The following TRIM14 variants were observed in gnomAD, a reference collection of about 807,000 sequenced individuals.
TRIM14 encodes tripartite motif-containing protein 14.
In TRIM14, 28 loss-of-function variants were observed where a neutral mutation model predicts 44.5. That is an observed-to-expected ratio of 0.63 (90% CI 0.47 to 0.86). The LOEUF is 0.86. Among genes scored for constraint, TRIM14 ranks in the 40% least tolerant of loss-of-function variants. The pLI is 0.00. For synonymous variants in TRIM14, 299 were observed against 269.2 expected, an observed-to-expected ratio of 1.11 and a Z score of -1.08; for missense variants, 607 against 611.1, an observed-to-expected ratio of 0.99 and a Z score of 0.07.
intron 5 of TRIM14, among the ~76,000 whole-genome samples, chr9:98,088,593 T>C (rs1825886907): frequency 6.6e-6 from 1 of 152,232 alleles, no homozygotes; most frequent in Admixed American, 6.5e-5. Context: ...TAAAATTGAT[T>C]GATCTACTTG....
chr9:98,056,702 G>C, the TRIM14 span: 2 of 1,459,626 alleles, frequency 1.4e-6, no homozygotes, highest in South Asian at 2.6e-5. Context: ...GACGTGGCGG[G>C]GCTGGCGTGT....
chr9:98,074,815 A>ACATT (rs1173845555), intron 6 of TRIM14: 1 of 152,230 alleles, frequency 6.6e-6, no homozygotes, highest in Non-Finnish European at 1.5e-5. Flanking sequence ...CACAAGATGA[A>ACATT]CATTATACAA....
At chr9:98,040,146 T>C in the TRIM14 span, among the ~76,000 whole-genome samples, 1 of 152,104 alleles carries the variant, frequency 6.6e-6, no homozygotes, top group African/African-American at 2.4e-5. Flanking sequence ...ACCCGGCATC[T>C]CTCTCTTTCC....
chr9:98,077,543 T>G (rs886603216), intron 6 of TRIM14, among the ~76,000 whole-genome samples: 8 of 151,910 alleles, frequency 5.3e-5, no homozygotes, highest in Admixed American at 2.0e-4. Context: ...TATAAGAAAT[T>G]AAGGATATGA....
At chr9:98,044,522 C>A in the TRIM14 span, among the ~76,000 whole-genome samples, 1 of 151,730 alleles carries the variant, frequency 6.6e-6, no homozygotes, top group Non-Finnish European at 1.5e-5. Context: ...TACAGGCACG[C>A]GCCACCATGC....
Position 98,085,194 on chromosome 9 carries a change from T to C in TRIM14, c.*2276A>G, listed in dbSNP as rs541860258. On this transcript the variant is annotated 3_prime_UTR_variant, in exon 6 of 6. Coordinates refer to ENST00000341469, the MANE Select transcript of TRIM14 (RefSeq NM_014788.4). Reference sequence around the variant, plus strand: ...GTAACCAGGCACTAGGAAAGCATCATGGGCAGTAGCTCCACGAGAGGGGCC... The same window carrying C: ...GTAACCAGGCACTAGGAAAGCATCACGGGCAGTAGCTCCACGAGAGGGGCC... 1.3e-5 allele frequency: 2 copies of C among 152,442 alleles called. No individual in the cohort carries two copies. The highest frequency in any genetic ancestry group is 4.8e-5 in the African/African-American group (2 of 41,546). 9.4% of individuals were successfully genotyped at this position (152,442 alleles called of 1,614,324 possible).
chr9:98,088,956 G>A (rs1282092184), intron 5 of TRIM14, among the ~76,000 whole-genome samples: 1 of 151,832 alleles, frequency 6.6e-6, no homozygotes, highest in African/African-American at 2.4e-5. Flanking sequence ...TGGATCACAG[G>A]GTATGTGGAT....
At chr9:98,049,488 G>C in the TRIM14 span, among the ~76,000 whole-genome samples, 3 of 152,114 alleles carry the variant, frequency 2.0e-5, no homozygotes, top group East Asian at 5.8e-4. Context: ...GAAAGGGGTG[G>C]GCACTTTCTG....
chr9:98,093,896 C>A (rs139697228), intron 4 of TRIM14, among the ~76,000 whole-genome samples: 2,151 of 152,240 alleles, frequency 0.014, 48 homozygotes, highest in African/African-American at 0.049. Context: ...CAGGTGCATG[C>A]CACCATGCCT....
rs1046068504 is a variant in TRIM14, at chr9:98,095,388, C to T, written c.538-359G>A. On this transcript the variant is annotated intron_variant, in intron 3 of 5. Transcript: ENST00000341469. This position sits in a 1 kb window ranked among gnomAD's most constrained non-coding sequence, Gnocchi z 4.1. ...GGGGCCCTTCCCAGAGAGGCTTCAG[C>T]CTCACACACACTGCGCCACGGGTCT... Among the ~76,000 whole-genome samples, 1 of 152,238 alleles carries T rather than the reference C, an allele frequency of 6.6e-6. No homozygotes were observed. Among genetic ancestry groups the T allele is most frequent in the African/African-American group, 2.4e-5 (1 of 41,460 alleles).
chr9:98,064,882 T>C (rs978313185), downstream of TRIM14, among the ~76,000 whole-genome samples: 3 of 152,306 alleles, frequency 2.0e-5, no homozygotes, highest in East Asian at 3.9e-4. Context: ...AAGACTGAAG[T>C]TGGCTGGAGA....
At chr9:98,048,968 C>T in the TRIM14 span, among the ~76,000 whole-genome samples, 221 of 151,434 alleles carry the variant, frequency 1.5e-3, no homozygotes, top group Admixed American at 4.3e-3. Context: ...TGCAGAGAGC[C>T]GAGATCATGC....
chr9:98,053,653 A>G, the TRIM14 span, among the ~76,000 whole-genome samples: 3 of 151,834 alleles, frequency 2.0e-5, no homozygotes, highest in South Asian at 4.2e-4. Flanking sequence ...ACACACACAC[A>G]TACAGGCCAG....
At chr9:98,091,785 A>AAATG (rs1356432416) in intron 5 of TRIM14, 124 bp downstream of exon 5, 1 of 404,222 alleles carries the variant, frequency 2.5e-6, no homozygotes, top group Non-Finnish European at 3.4e-6. Flanking sequence ...CAAGTTCTTA[A>AAATG]AATAAATAAA....
At chr9:98,057,722 G>A in the TRIM14 span, among the ~76,000 whole-genome samples, 1 of 151,906 alleles carries the variant, frequency 6.6e-6, no homozygotes, top group South Asian at 2.1e-4. Flanking sequence ...ATAAGGCCTG[G>A]CCTGCACTAT....
chr9:98,109,844 A>T, intron 2 of TRIM14, 45 bp downstream of exon 2: 1 of 1,508,516 alleles, frequency 6.6e-7, no homozygotes, highest in Non-Finnish European at 9.1e-7. Flanking sequence ...GTCTGGGGGG[A>T]AATGTGGGTC....
At chr9:98,057,607 CAGAT>C in the TRIM14 span, among the ~76,000 whole-genome samples, 1 of 151,840 alleles carries the variant, frequency 6.6e-6, no homozygotes, top group African/African-American at 2.4e-5. Flanking sequence ...ATGAGATTCT[CAGAT>C]AGAGCTCTGA....
chr9:98,094,995 T>C lies in TRIM14; in HGVS notation c.572A>G (p.Gln191Arg), dbSNP rs1191063270. ...YTATEQEMQQ[Q>R]MSLGELCHPV... ...ATGGCACAGCTCCCCGAGGCTCATC[T>C]GCTGCTGCATCTCCTGCTCGGTGGC... The change falls in exon 4 of 6, where the codon CAG becomes CGG. Residue 191 changes from glutamine (Q) to arginine (R), a missense_variant. Gln to Arg is a conservative substitution (Grantham distance 43). Coordinates refer to ENST00000341469, the MANE Select transcript of TRIM14 (RefSeq NM_014788.4). 6.2e-7 allele frequency: 1 copy of C among 1,614,088 alleles called. No homozygotes were observed. The highest frequency in any genetic ancestry group is 1.1e-5 in the South Asian group (1 of 91,086).
At chr9:98,105,340 C>T (rs559536759) in intron 2 of TRIM14, among the ~76,000 whole-genome samples, 24 of 152,326 alleles carry the variant, frequency 1.6e-4, no homozygotes, top group African/African-American at 5.3e-4. Flanking sequence ...TGAGCCCCGC[C>T]GACTGCATTT....
Sources: allele counts gnomAD v4.1 joint callset (sites outside exome capture counted in the v4.1 genomes callset), GRCh38; gene constraint gnomAD v4.1.1; non-coding constraint Gnocchi (gnomAD v3.1); transcripts MANE v1.5; gene names NCBI Gene and HGNC (gene_info 2026-07-23, HGNC 2026-07-21).